Variants in DARS2 observed in about 807,000 individuals in gnomAD.
DARS2 encodes aspartyl-tRNA synthetase 2, mitochondrial, also known as aspartate--tRNA ligase, mitochondrial.
DARS2 carries 63 observed loss-of-function variants against 83.0 expected under a neutral mutation model. The ratio of observed to expected loss-of-function variants is 0.76; its 90% CI spans 0.62 to 0.94. DARS2 has a LOEUF of 0.94. DARS2 is among the 40% of genes least tolerant of loss of function. DARS2 has a pLI of 0.00. For synonymous variants in DARS2, 250 were observed against 269.3 expected, an observed-to-expected ratio of 0.93 and a Z score of 0.70; for missense variants, 675 against 774.4, an observed-to-expected ratio of 0.87 and a Z score of 1.52.
In DARS2 at chr1:173,857,704, G is replaced by T. The variant is rs753157699; in HGVS notation, c.1937G>T (p.Ter646LeuextTer53). ...GACTCCAAAGCAGAAAGAGCTCATT[G>T]AATCATGCATACCATGCAGAAAGTT... ...PTDSKAERAH[*>L] Residue 646 changes from the stop codon to leucine (L), a stop_lost, in exon 17 of 17, where the codon TGA becomes TTA. Coordinates refer to ENST00000649689, the MANE Select transcript of DARS2 (RefSeq NM_018122.5). The T allele has an allele frequency of 1.9e-6, 3 of 1,613,984 alleles. No individual in the cohort carries two copies. Among genetic ancestry groups the T allele is most frequent in the African/African-American group, 2.7e-5 (2 of 74,922 alleles).
At chr1:173,838,424 T>A (rs545896039) in intron 9 of DARS2, among the ~76,000 whole-genome samples, 165 bp downstream of exon 9, 11 of 151,706 alleles carry the variant, frequency 7.3e-5, no homozygotes, top group South Asian at 2.1e-4. Flanking sequence ...CTTTTTTTTT[T>A]ATTCATTTCA....
intron 15 of DARS2, among the ~76,000 whole-genome samples, chr1:173,856,001 T>A (rs1408769294): frequency 6.6e-6 from 1 of 152,102 alleles, no homozygotes; most frequent in Non-Finnish European, 1.5e-5. Context: ...ATAGTGGTTC[T>A]CAGCCCTGCT....
chr1:173,836,835 A>T lies in DARS2; in HGVS notation c.664-105A>T, dbSNP rs190205691. The T allele has an allele frequency of 1.2e-4, 108 of 917,272 alleles. No homozygotes were observed. The East Asian group carries it at 2.6e-3, about 22-fold the overall frequency. The allele number at this position is 917,272 out of a possible 1,614,324, so 56.8% of individuals were successfully genotyped here. On this transcript the variant is annotated intron_variant, in intron 7 of 16. Coordinates refer to ENST00000649689, the MANE Select transcript of DARS2 (RefSeq NM_018122.5). ...ATTGTAGGAACTTTGTTCTTTAGTC[A>T]TTCATTGATAAACTGAAGTAACAAC... is the stretch of plus-strand genomic sequence containing the variant.
rs779305793 is a variant in DARS2 at position 173,857,571 on chromosome 1, A to G, written c.1804A>G (p.Ile602Val). The change falls in exon 17 of 17, where the codon ATA becomes GTA. Residue 602 changes from isoleucine (I) to valine (V), a missense_variant. Transcript: ENST00000649689. ...VTGSPSIRDV[I>V]AFPKSFRGHD... Reference sequence around the variant, plus strand: ...TGGATCTCCAAGCATCAGAGATGTCATAGCCTTCCCAAAGTCCTTCCGGGG... The same window carrying G: ...TGGATCTCCAAGCATCAGAGATGTCGTAGCCTTCCCAAAGTCCTTCCGGGG... 19 of 1,614,194 alleles carry G rather than the reference A, an allele frequency of 1.2e-5. No homozygotes were observed. The highest frequency in any genetic ancestry group is 1.4e-5 in the Non-Finnish European group (17 of 1,180,030).
At chr1:173,828,536 T>C (rs1286827691) in intron 3 of DARS2, 137 bp downstream of exon 3, 9 of 855,710 alleles carry the variant, frequency 1.1e-5, no homozygotes, top group African/African-American at 1.7e-5. Context: ...ATATAAGCAA[T>C]GTTAAGACAT....
intron 12 of DARS2, among the ~76,000 whole-genome samples, chr1:173,849,781 A>G (rs540222832): frequency 6.6e-6 from 1 of 151,990 alleles, no homozygotes; most frequent in Non-Finnish European, 1.5e-5. Context: ...GTCTGCCAAA[A>G]ATTCGCAGAA....
rs1304745729 is a variant in DARS2 at position 173,842,317 on chromosome 1, T to TTTTTTTG, written c.1128+1344_1128+1345insTTTTTTG. On this transcript the variant is annotated intron_variant, in intron 11 of 16. Coordinates refer to ENST00000649689, the MANE Select transcript of DARS2 (RefSeq NM_018122.5). Reference sequence around the variant, plus strand: ...TTTTTTTTTTTTTTTTTTTTTTTTTTAGAGTGAGTCTTGCTCTGTCGCCCA... The same window carrying TTTTTTTG: ...TTTTTTTTTTTTTTTTTTTTTTTTTTTTTTTTGAGAGTGAGTCTTGCTCTGTCGCCCA... 2.0e-3 allele frequency among the ~76,000 whole-genome samples: 235 copies of TTTTTTTG among 116,622 alleles called. 48 individuals carry two copies. Among genetic ancestry groups the TTTTTTTG allele is most frequent in the African/African-American group, 9.3e-3 (219 of 23,536 alleles). The allele number at this position is 116,622 out of a possible 152,430, so 76.5% of individuals were successfully genotyped here. A position where few individuals can be genotyped will look rare whatever the true frequency, so the allele number is the denominator to read the frequency against.
Position 173,825,234 on chromosome 1 carries a change from ACTTCC to A in DARS2, c.10_14del (p.Pro4LeufsTer41), listed in dbSNP as rs749070314. The A allele has an allele frequency of 1.9e-6, 3 of 1,612,268 alleles. No individual in the cohort carries two copies. Among genetic ancestry groups the A allele is most frequent in the Non-Finnish European group, 2.5e-6 (3 of 1,178,930 alleles). Reference sequence around the variant, plus strand: ...TCGCCATCGTGTGGCTCCAACATGTACTTCCCTTCTTGGTTAAGTCAGCTGTACAG... The same window carrying A: ...TCGCCATCGTGTGGCTCCAACATGTACTTCTTGGTTAAGTCAGCTGTACAG... On this transcript the variant is annotated frameshift_variant, in exon 1 of 17. Transcript: ENST00000649689. LOFTEE classifies it high-confidence loss of function.
At position 173,837,615 on chromosome 1, in the gene DARS2, A is replaced by G. The variant is rs190762358; in HGVS notation, c.770+569A>G. Among the ~76,000 whole-genome samples, 110 of 152,360 alleles carry G rather than the reference A, an allele frequency of 7.2e-4. 1 individual carries two copies. The highest frequency in any genetic ancestry group is 2.4e-3 in the African/African-American group (101 of 41,588). On this transcript the variant is annotated intron_variant, in intron 8 of 16. Transcript: ENST00000649689. ...CATGGGCTAAAAAAAATGTTTTAAT[A>G]AAAAGAGCTGGCATGGACTGATTTG...
At chr1:173,830,413 C>G (rs1468224356) in intron 3 of DARS2, among the ~76,000 whole-genome samples, 1 of 152,112 alleles carries the variant, frequency 6.6e-6, no homozygotes, top group Non-Finnish European at 1.5e-5. Flanking sequence ...CATTCTTACC[C>G]TTATTTTCCT....
In DARS2 at chr1:173,850,316, C is replaced by A; in HGVS notation, c.1192-11C>A. 5 of 1,527,816 alleles carry A rather than the reference C, an allele frequency of 3.3e-6. No individual in the cohort carries two copies. Among genetic ancestry groups the A allele is most frequent in the Non-Finnish European group, 3.5e-6 (4 of 1,135,118 alleles). 94.6% of individuals were successfully genotyped at this position (1,527,816 alleles called of 1,614,324 possible). On this transcript the variant is annotated splice_polypyrimidine_tract_variant and intron_variant, in intron 12 of 16. Coordinates refer to ENST00000649689, the MANE Select transcript of DARS2 (RefSeq NM_018122.5). ...AAAAAAAACGTGAATAAGTCTTTTT[C>A]TTTTACACAGGAAATCTTACCTGTA...
chr1:173,856,617 T>C (rs1413875804), intron 15 of DARS2, 49 bp from the exon 16 acceptor site: 6 of 1,551,110 alleles, frequency 3.9e-6, no homozygotes, highest in Non-Finnish European at 5.3e-6. Flanking sequence ...TGGTGGCACT[T>C]AGTGGACCTT....
chr1:173,839,553 A>T lies in DARS2; in HGVS notation c.1020+7A>T, dbSNP rs759910403. On this transcript the variant is annotated splice_region_variant and intron_variant, in intron 10 of 16. Transcript: ENST00000649689. ...CACTCGCTTTGGAATGAAGGTACTT[A>T]TCTTCACTTTTCTAGGACTCTGTCC... 9 of 1,613,778 alleles carry T rather than the reference A, an allele frequency of 5.6e-6. No individual in the cohort carries two copies. Among genetic ancestry groups the T allele is most frequent in the Non-Finnish European group, 7.6e-6 (9 of 1,179,644 alleles).
chr1:173,853,275 C>T (rs577499295), intron 13 of DARS2, 74 bp from the exon 14 acceptor site: 37 of 1,462,454 alleles, frequency 2.5e-5, no homozygotes, highest in Non-Finnish European at 3.2e-5. Flanking sequence ...GGCCTGGCTT[C>T]GGAATCCAGG....
chr1:173,834,768 G>GTTTTTTTTT (rs1652933877), intron 7 of DARS2, among the ~76,000 whole-genome samples: 1 of 24,180 alleles, frequency 4.1e-5, no homozygotes, highest in Non-Finnish European at 7.5e-5. Flanking sequence ...GGTTTGTTTT[G>GTTTTTTTTT]GGTTTTTTTT....
chr1:173,845,298 A>T lies in DARS2; in HGVS notation c.1191+7A>T. The T allele has an allele frequency of 6.3e-7, 1 of 1,598,336 alleles. No individual in the cohort carries two copies. The highest frequency in any genetic ancestry group is 8.6e-7 in the Non-Finnish European group (1 of 1,166,022). ...AGCTGACCATTTTAATCAGGTAAGG[A>T]GTTAATTAGAGCAGTTTTTTTCCTT... On this transcript the variant is annotated splice_region_variant and intron_variant, in intron 12 of 16. Transcript: ENST00000649689.
intron 12 of DARS2, 28 bp from the exon 13 acceptor site, chr1:173,850,296 AAAC>A (rs1557862232): frequency 1.9e-6 from 3 of 1,577,516 alleles, no homozygotes; most frequent in African/African-American, 1.4e-5. Context: ...AAAAAAAAAA[AAAC>A]GTGAATAAGT....
Position 173,824,836 on chromosome 1 carries a change from G to A in DARS2, c.-394G>A, listed in dbSNP as rs1049913930. ...TTGTTTTCCGGTTCTGGCCGCGGGA[G>A]CCTCTCGAGAAGCGTGGAAAGAGGA... On this transcript the variant is annotated 5_prime_UTR_variant, in exon 1 of 17. Coordinates refer to ENST00000649689, the MANE Select transcript of DARS2 (RefSeq NM_018122.5). 1 of 198,686 alleles carries A rather than the reference G, an allele frequency of 5.0e-6. No individual in the cohort carries two copies. The highest frequency in any genetic ancestry group is 1.1e-5 in the Non-Finnish European group (1 of 94,088). 12.3% of individuals were successfully genotyped at this position (198,686 alleles called of 1,614,324 possible).
Position 173,856,865 on chromosome 1 carries a change from CT to C in DARS2, c.1750+125del. The C allele has an allele frequency of 4.4e-6, 3 of 674,930 alleles. No homozygotes were observed. The South Asian group carries it at 5.9e-5, about 13-fold the overall frequency. 41.8% of individuals were successfully genotyped at this position (674,930 alleles called of 1,614,324 possible). A position where few individuals can be genotyped will look rare whatever the true frequency, so the allele number is the denominator to read the frequency against. ...AAGAGTTCCATGAGAATGTAAGTTT[CT>C]GTTGAAATTTCAGTAATATATTTTT... On this transcript the variant is annotated intron_variant, in intron 16 of 16. Transcript: ENST00000649689.
Sources: gnomAD v4.1 joint callset for allele counts (sites outside exome capture counted in the v4.1 genomes callset) on GRCh38, gnomAD v4.1.1 for gene constraint, MANE v1.5 for transcripts, NCBI Gene and HGNC (gene_info 2026-07-23, HGNC 2026-07-21) for gene names.